Variants in AGMO observed in about 807,000 individuals in gnomAD.
The protein encoded by AGMO is glyceryl-ether monooxygenase.
In AGMO, 75 loss-of-function variants were observed where a neutral mutation model predicts 60.2. The ratio of observed to expected loss-of-function variants is 1.25; its 90% CI spans 1.03 to 1.51. The LOEUF (loss-of-function observed/expected upper bound fraction) is 1.51, where lower values mean the gene tolerates loss of function less well. Among genes scored for constraint, AGMO ranks in the 40% most tolerant of loss-of-function variants. AGMO has a pLI of 0.00. For synonymous variants in AGMO, 261 were observed against 177.1 expected (o/e 1.47, Z -3.76); for missense variants, 763 against 525.5 (o/e 1.45, Z -4.42).
intron 3 of AGMO, among the ~76,000 whole-genome samples, chr7:15,486,015 G>C (rs1386900637): frequency 6.6e-6 from 1 of 152,078 alleles, no homozygotes; most frequent in East Asian, 1.9e-4. Context: ...TTTGTCATCA[G>C]AAGTTCTGAG....
At chr7:15,406,373 C>T (rs1174081935) in intron 5 of AGMO, among the ~76,000 whole-genome samples, 8 of 138,480 alleles carry the variant, frequency 5.8e-5, no homozygotes, top group South Asian at 2.2e-4. Flanking sequence ...TACACACATA[C>T]ATATGAATAT....
At chr7:15,434,104 T>C (rs985181635) in intron 3 of AGMO, among the ~76,000 whole-genome samples, 1 of 152,052 alleles carries the variant, frequency 6.6e-6, no homozygotes, top group African/African-American at 2.4e-5. Flanking sequence ...CCACCTCCTT[T>C]TTGTGGTTGT....
At chr7:15,328,858 C>T (rs1364267617) in intron 12 of AGMO, among the ~76,000 whole-genome samples, 4 of 152,010 alleles carry the variant, frequency 2.6e-5, no homozygotes, top group Non-Finnish European at 4.4e-5. Context: ...TCCATCATCC[C>T]TTTCCAACCA....
At chr7:15,283,534 A>C (rs1784024293) in intron 12 of AGMO, among the ~76,000 whole-genome samples, 1 of 152,134 alleles carries the variant, frequency 6.6e-6, no homozygotes, top group Admixed American at 6.5e-5. Flanking sequence ...AGGAGATATT[A>C]TAATCCTAAA....
At chr7:15,424,068 C>A (rs548779584) in intron 4 of AGMO, among the ~76,000 whole-genome samples, 1 of 152,096 alleles carries the variant, frequency 6.6e-6, no homozygotes, top group African/African-American at 2.4e-5. Context: ...TATCTACAAC[C>A]TCCTCCATTG....
chr7:15,437,529 T>G (rs1781433017), intron 3 of AGMO, among the ~76,000 whole-genome samples: 1 of 130,238 alleles, frequency 7.7e-6, no homozygotes. Flanking sequence ...CCAAATTTTT[T>G]CCTTTTTTTT....
chr7:15,312,538 G>A (rs1366964667), intron 12 of AGMO, among the ~76,000 whole-genome samples: 6 of 151,442 alleles, frequency 4.0e-5, no homozygotes, highest in Admixed American at 1.3e-4. Flanking sequence ...AGTGCATGGC[G>A]GGGGCGGTGG....
intron 8 of AGMO, among the ~76,000 whole-genome samples, chr7:15,389,712 C>G (rs948564496): frequency 6.6e-6 from 1 of 152,140 alleles, no homozygotes; most frequent in Non-Finnish European, 1.5e-5. Flanking sequence ...AACAAGTTTT[C>G]AAACTTTGGG....
chr7:15,504,324 C>G (rs1025439689), intron 3 of AGMO, among the ~76,000 whole-genome samples: 6 of 151,798 alleles, frequency 4.0e-5, no homozygotes. Flanking sequence ...AAATTAGGGC[C>G]ACTACTCTCC....
intron 12 of AGMO, among the ~76,000 whole-genome samples, chr7:15,303,835 C>T (rs1780526358): frequency 6.6e-6 from 1 of 152,156 alleles, no homozygotes; most frequent in South Asian, 2.1e-4. Context: ...CCCCCACACA[C>T]AGCACATACA....
intron 3 of AGMO, among the ~76,000 whole-genome samples, chr7:15,435,934 A>G (rs533549755): frequency 6.6e-6 from 1 of 152,300 alleles, no homozygotes; most frequent in Non-Finnish European, 1.5e-5. Flanking sequence ...TTAATTCAAG[A>G]CATAAAGACA....
intron 12 of AGMO, among the ~76,000 whole-genome samples, chr7:15,202,519 G>C (rs538326193): frequency 8.0e-6 from 1 of 125,780 alleles, no homozygotes; most frequent in South Asian, 2.8e-4. Context: ...TTCCATTTAT[G>C]AGTGGGTTGT....
intron 3 of AGMO, among the ~76,000 whole-genome samples, chr7:15,475,242 CAT>C (rs1447368719): frequency 6.6e-6 from 1 of 152,072 alleles, no homozygotes; most frequent in Admixed American, 6.6e-5. Flanking sequence ...CACATGCACA[CAT>C]ATGTTATTGC....
chr7:15,389,337 A>T (rs1190254346), intron 8 of AGMO, among the ~76,000 whole-genome samples: 1 of 152,198 alleles, frequency 6.6e-6, no homozygotes, highest in Non-Finnish European at 1.5e-5. Context: ...ATAAGGAGAC[A>T]ACTCCTATAT....
At position 15,553,623 on chromosome 7, in the gene AGMO, C is replaced by G. The variant is rs367556272; in HGVS notation, c.257+6518G>C. Reference sequence around the variant, plus strand: ...TAAAAAAATATGCTATCTTTCTTGTCAACTCCAGTGAAAATGGAAATAGGC... The same window carrying G: ...TAAAAAAATATGCTATCTTTCTTGTGAACTCCAGTGAAAATGGAAATAGGC... On this transcript the variant is annotated intron_variant, in intron 2 of 12. Coordinates refer to ENST00000342526, the MANE Select transcript of AGMO (RefSeq NM_001004320.2). Among the ~76,000 whole-genome samples, 4 of 152,078 alleles carry G rather than the reference C, an allele frequency of 2.6e-5. No homozygotes were observed. In the East Asian group the frequency reaches 7.7e-4, roughly 29 times the overall value.
intron 12 of AGMO, among the ~76,000 whole-genome samples, chr7:15,337,715 G>C (rs538389814): frequency 9.2e-5 from 14 of 152,240 alleles, no homozygotes; most frequent in Non-Finnish European, 1.3e-4. Context: ...TCAGTCAAGG[G>C]GCAAAAATCT....
At chr7:15,175,987 A>G in the AGMO span, among the ~76,000 whole-genome samples, 1 of 151,982 alleles carries the variant, frequency 6.6e-6, no homozygotes, top group Non-Finnish European at 1.5e-5. Context: ...CCAAGATCAC[A>G]AGGAAGGAAT....
rs1017218034 is a variant in AGMO at position 15,366,184 on chromosome 7, G to A, written c.1113C>T (p.Phe371=). 7.5e-6 allele frequency: 12 copies of A among 1,609,250 alleles called. No homozygotes were observed. The highest frequency in any genetic ancestry group is 1.0e-5 in the Non-Finnish European group (12 of 1,177,212). ...SQVTLLLRVC[F]IILTLTSIGF... ...CAATGGAAGTCAAGGTCAGGATAAT[G>A]AAGCAAACCCTCAGAAGGAGAGTAA... is the stretch of plus-strand genomic sequence containing the variant. Residue 371 remains phenylalanine (F), a synonymous_variant, in exon 11 of 13, where the codon TTC becomes TTT. Transcript: ENST00000342526.
In AGMO at chr7:15,294,442, G is replaced by A. The variant is rs994881983; in HGVS notation, c.1263+71072C>T. 2.0e-5 allele frequency among the ~76,000 whole-genome samples: 3 copies of A among 151,268 alleles called. No individual in the cohort carries two copies. In the East Asian group the frequency reaches 5.8e-4, roughly 29 times the overall value. Reference sequence around the variant, plus strand: ...TAAATTGCAGAACAACATAAATGTAGAATAATATTTAACATACCAATAATT... The same window carrying A: ...TAAATTGCAGAACAACATAAATGTAAAATAATATTTAACATACCAATAATT... On this transcript the variant is annotated intron_variant, in intron 12 of 12. Coordinates refer to ENST00000342526, the MANE Select transcript of AGMO (RefSeq NM_001004320.2).
Sources: allele counts gnomAD v4.1 joint callset (sites outside exome capture counted in the v4.1 genomes callset), GRCh38; gene constraint gnomAD v4.1.1; transcripts MANE v1.5; gene names NCBI Gene and HGNC (gene_info 2026-07-23, HGNC 2026-07-21).